Variants in CACNA1E observed in about 807,000 individuals in gnomAD.
The protein encoded by CACNA1E is calcium voltage-gated channel subunit alpha1 E.
A neutral mutation model predicts 259.2 loss-of-function variants in CACNA1E; 40 were observed. The observed-to-expected ratio is 0.15, with a 90% CI of 0.12 to 0.20. CACNA1E has a LOEUF of 0.20. Ranked by LOEUF, CACNA1E falls within the 10% of genes least tolerant of loss-of-function variation. The pLI, the probability that CACNA1E is intolerant of heterozygous loss-of-function variation, is 1.00. For missense variants in CACNA1E, 1,874 were observed against 3,040.1 expected (o/e 0.62, Z 9.02); for synonymous variants, 1,104 against 1,138.5 (o/e 0.97, Z 0.61).
intron 20 of CACNA1E, among the ~76,000 whole-genome samples, 198 bp downstream of exon 20, chr1:181,733,232 G>A (rs1655687923): frequency 6.6e-6 from 1 of 152,244 alleles, no homozygotes; most frequent in South Asian, 2.1e-4. Context: ...TTGGAAGTGG[G>A]TCGTGGATAG....
chr1:181,560,859 G>A (rs940150884), intron 3 of CACNA1E, among the ~76,000 whole-genome samples: 3 of 152,174 alleles, frequency 2.0e-5, no homozygotes, highest in Admixed American at 1.3e-4. Flanking sequence ...ATGGAGGAAT[G>A]GATAAACAAA....
intron 16 of CACNA1E, 35 bp downstream of exon 16, chr1:181,721,910 T>C: frequency 7.4e-7 from 1 of 1,349,504 alleles, no homozygotes; most frequent in Non-Finnish European, 1.1e-6. Context: ...TCAAGCTGCC[T>C]GCCTTCCTGG....
intron 2 of CACNA1E, among the ~76,000 whole-genome samples, chr1:181,449,081 T>TGGA (rs1360525075): frequency 6.6e-6 from 1 of 152,176 alleles, no homozygotes; most frequent in East Asian, 1.9e-4. Flanking sequence ...GGTGGGGCCA[T>TGGA]TGGCAGGGCC....
intron 7 of CACNA1E, among the ~76,000 whole-genome samples, chr1:181,657,881 T>C (rs931755772): frequency 2.0e-5 from 3 of 152,238 alleles, no homozygotes; most frequent in African/African-American, 7.2e-5. Context: ...TTGTTGGCAT[T>C]CTTTGTTCGT....
In CACNA1E at chr1:181,646,891, A is replaced by G. The variant is rs145763140; in HGVS notation, c.952-4447A>G. The stretch of plus-strand genomic sequence containing the variant: ...GTTCCCAAAGGAACACATTCCCACA[A>G]TGTCAGGACTGGTACCCGCTGAGCA... On this transcript the variant is annotated intron_variant, in intron 6 of 47. Coordinates refer to ENST00000367573, the MANE Select transcript of CACNA1E (RefSeq NM_001205293.3). 3.3e-4 allele frequency among the ~76,000 whole-genome samples: 51 copies of G among 152,288 alleles called. 1 individual carries two copies. In the East Asian group the frequency reaches 8.7e-3, roughly 26 times the overall value.
chr1:181,573,695 A>C (rs1472305397), intron 3 of CACNA1E, among the ~76,000 whole-genome samples: 1 of 152,258 alleles, frequency 6.6e-6, no homozygotes, highest in African/African-American at 2.4e-5. Context: ...AAATTAGTTC[A>C]ACCACTGTGG....
chr1:181,358,968 G>T (rs1183467244), intron 1 of CACNA1E, among the ~76,000 whole-genome samples: 4 of 152,184 alleles, frequency 2.6e-5, no homozygotes, highest in Non-Finnish European at 5.9e-5. Flanking sequence ...AGGTTTATTT[G>T]GTGCAGCTTC....
intron 2 of CACNA1E, among the ~76,000 whole-genome samples, chr1:181,426,673 T>TG (rs1659256457): frequency 4.2e-5 from 1 of 23,888 alleles, no homozygotes; most frequent in African/African-American, 1.8e-4. Flanking sequence ...CCCTTTACAA[T>TG]TCAACCCCTT....
chr1:181,746,647 A>G (rs1039803810), intron 25 of CACNA1E, among the ~76,000 whole-genome samples: 2 of 152,162 alleles, frequency 1.3e-5, no homozygotes, highest in South Asian at 4.1e-4. Context: ...GAACTTGTCC[A>G]TCTTGTTGTT....
In CACNA1E at chr1:181,763,559, A is replaced by G. The variant is rs72735265; in HGVS notation, c.4815+28A>G. 390,107 of 1,524,744 alleles carry G rather than the reference A, an allele frequency of 0.26. 51,733 individuals are homozygous for G. The highest frequency in any genetic ancestry group is 0.35 in the South Asian group (28,051 of 80,016). The allele number at this position is 1,524,744 out of a possible 1,614,324, so 94.5% of individuals were successfully genotyped here. A position where few individuals can be genotyped will look rare whatever the true frequency, so the allele number is the denominator to read the frequency against. On this transcript the variant is annotated intron_variant, in intron 34 of 47. Transcript: ENST00000367573. Reference sequence around the variant, plus strand: ...AAGAGGTACCAGCAAATCCTCTCTGAGGGTTGTCATATCAGACAGTACAGC... The same window carrying G: ...AAGAGGTACCAGCAAATCCTCTCTGGGGGTTGTCATATCAGACAGTACAGC...
chr1:181,626,095 A>G (rs1182625234), intron 6 of CACNA1E, among the ~76,000 whole-genome samples: 2 of 152,228 alleles, frequency 1.3e-5, no homozygotes, highest in Non-Finnish European at 1.5e-5. Context: ...AACATGACTT[A>G]TGGTACCCCA....
rs995450749 is a variant in CACNA1E at position 181,764,007 on chromosome 1, C to T, written c.4815+476C>T. Among the ~76,000 whole-genome samples, 6 of 152,164 alleles carry T rather than the reference C, an allele frequency of 3.9e-5. 1 individual carries two copies. Among genetic ancestry groups the T allele is most frequent in the Admixed American group, 2.6e-4 (4 of 15,280 alleles). On this transcript the variant is annotated intron_variant, in intron 34 of 47. Coordinates refer to ENST00000367573, the MANE Select transcript of CACNA1E (RefSeq NM_001205293.3). ...GAGAGATGATTCATACTTAGCCCCA[C>T]CTTTGTCTTCATCAGTGTTTATTTC...
intron 27 of CACNA1E, among the ~76,000 whole-genome samples, chr1:181,753,296 G>A (rs896647977): frequency 3.3e-5 from 5 of 152,304 alleles, no homozygotes; most frequent in Middle Eastern, 3.4e-3. Context: ...GCTGACAACC[G>A]CAACACAACA....
Position 181,718,046 on chromosome 1 carries a change from T to C in CACNA1E, c.1526-9T>C. The C allele has an allele frequency of 7.0e-7, 1 of 1,420,008 alleles. No homozygotes were observed. Among genetic ancestry groups the C allele is most frequent in the Non-Finnish European group, 9.9e-7 (1 of 1,005,188 alleles). The allele number at this position is 1,420,008 out of a possible 1,614,324, so 88.0% of individuals were successfully genotyped here. A position where few individuals can be genotyped will look rare whatever the true frequency, so the allele number is the denominator to read the frequency against. On this transcript the variant is annotated splice_polypyrimidine_tract_variant and intron_variant, in intron 11 of 47. Coordinates refer to ENST00000367573, the MANE Select transcript of CACNA1E (RefSeq NM_001205293.3). ...TGTGGAACCAATGCTCTACTTTTAA[T>C]ACTTCCAGACTATGCAGAATTTCTG...
At chr1:181,329,784 A>G (rs1351430162) in intron 1 of CACNA1E, among the ~76,000 whole-genome samples, 2 of 152,136 alleles carry the variant, frequency 1.3e-5, no homozygotes, top group African/African-American at 4.8e-5. Context: ...TCATGTATGT[A>G]TACTTAGTTA....
At chr1:181,450,659 G>A (rs1661103218) in intron 2 of CACNA1E, among the ~76,000 whole-genome samples, 1 of 152,178 alleles carries the variant, frequency 6.6e-6, no homozygotes, top group Non-Finnish European at 1.5e-5. Flanking sequence ...TAAAAAACGA[G>A]ATAATAATGT....
At chr1:181,375,660 C>T (rs1234181461) in intron 1 of CACNA1E, among the ~76,000 whole-genome samples, 2 of 152,162 alleles carry the variant, frequency 1.3e-5, no homozygotes, top group African/African-American at 4.8e-5. Flanking sequence ...GATGAGGAAA[C>T]AGAGACACAG....
At chr1:181,601,524 G>A (rs1036521788) in intron 6 of CACNA1E, among the ~76,000 whole-genome samples, 4 of 152,056 alleles carry the variant, frequency 2.6e-5, no homozygotes, top group African/African-American at 9.7e-5. Context: ...ATTATTAGAT[G>A]TTCTAGCTAC....
intron 7 of CACNA1E, among the ~76,000 whole-genome samples, chr1:181,666,128 T>C (rs1648199074): frequency 1.3e-5 from 2 of 152,186 alleles, no homozygotes; most frequent in South Asian, 2.1e-4. Flanking sequence ...ATAGCAATTG[T>C]CTTTTTAAAT....
Sources: gnomAD v4.1 joint callset for allele counts (sites outside exome capture counted in the v4.1 genomes callset) on GRCh38, gnomAD v4.1.1 for gene constraint, MANE v1.5 for transcripts, NCBI Gene and HGNC (gene_info 2026-07-23, HGNC 2026-07-21) for gene names.